The following PLA2G4E variants were observed in gnomAD, a reference collection of about 807,000 sequenced individuals.
The protein encoded by PLA2G4E is cytosolic phospholipase A2 epsilon.
A neutral mutation model predicts 109.1 loss-of-function variants in PLA2G4E; 84 were observed. That is an observed-to-expected ratio of 0.77 (90% CI 0.65 to 0.92). The LOEUF (loss-of-function observed/expected upper bound fraction) is 0.92, where lower values mean the gene tolerates loss of function less well. Among genes scored for constraint, PLA2G4E ranks in the 40% least tolerant of loss-of-function variants. PLA2G4E has a pLI of 0.00. For missense variants in PLA2G4E, 1,057 were observed against 1,076.6 expected (o/e 0.98, Z 0.25); for synonymous variants, 469 against 436.1 (o/e 1.08, Z -0.94).
chr15:42,005,480 T>C (rs2068465828), intron 4 of PLA2G4E, among the ~76,000 whole-genome samples: 1 of 152,172 alleles, frequency 6.6e-6, no homozygotes, highest in Non-Finnish European at 1.5e-5. Context: ...GGGGACCCAG[T>C]GCCTAGAACG....
intron 1 of PLA2G4E, among the ~76,000 whole-genome samples, chr15:42,022,218 G>A (rs1467325693): frequency 2.0e-5 from 3 of 152,186 alleles, no homozygotes; most frequent in Non-Finnish European, 2.9e-5. Flanking sequence ...AGGGATCCAA[G>A]TTTCCCTGTG....
chr15:42,037,599 G>T (rs980582740), intron 1 of PLA2G4E, among the ~76,000 whole-genome samples: 9 of 152,156 alleles, frequency 5.9e-5, no homozygotes, highest in African/African-American at 2.2e-4. Flanking sequence ...TCTAATGGCG[G>T]GTCTAAAAGA....
At chr15:42,003,048 T>C (rs997450112) in intron 5 of PLA2G4E, among the ~76,000 whole-genome samples, 1 of 152,210 alleles carries the variant, frequency 6.6e-6, no homozygotes, top group Non-Finnish European at 1.5e-5. Flanking sequence ...AGAGCAGACA[T>C]AAACAGTTTT....
Position 42,006,013 on chromosome 15 carries a change from C to T in PLA2G4E, c.502G>A (p.Val168Met), listed in dbSNP as rs372240036. ...ACCTGCGGGTTGAGTGGAAACTTCA[C>T]GTGGGTTTTCTTTCGGAAACAGAGC... Residue 168 changes from valine (V) to methionine (M), a missense_variant, in exon 4 of 20, where the codon GTG (valine) becomes ATG (methionine). Val to Met is a conservative substitution (Grantham distance 21). Coordinates refer to ENST00000399518, the Ensembl canonical transcript of PLA2G4E. 6.2e-6 allele frequency: 10 copies of T among 1,613,924 alleles called. 1 individual carries two copies. Among genetic ancestry groups the T allele is most frequent in the Middle Eastern group, 1.7e-4 (1 of 6,058 alleles).
chr15:42,039,769 C>T (rs1889281392), intron 1 of PLA2G4E, among the ~76,000 whole-genome samples: 1 of 151,914 alleles, frequency 6.6e-6, no homozygotes, highest in African/African-American at 2.4e-5. Flanking sequence ...ATGTAGAAAG[C>T]TATAAAACTC....
At chr15:42,036,972 G>C (rs1158452652) in intron 1 of PLA2G4E, among the ~76,000 whole-genome samples, 1 of 152,242 alleles carries the variant, frequency 6.6e-6, no homozygotes, top group African/African-American at 2.4e-5. Context: ...CCGAGTCCAG[G>C]TGCTGTTGCA....
intron 17 of PLA2G4E, chr15:41,986,887 G>T (rs1239966119): frequency 6.7e-6 from 3 of 450,442 alleles, no homozygotes; most frequent in Non-Finnish European, 1.2e-5. Flanking sequence ...TTCCCCATCT[G>T]TAACATGGGG....
At chr15:42,020,464 A>G (rs1307867604) in intron 1 of PLA2G4E, among the ~76,000 whole-genome samples, 2 of 152,298 alleles carry the variant, frequency 1.3e-5, no homozygotes, top group East Asian at 3.9e-4. Flanking sequence ...CTTGACTGTA[A>G]ACCCAGGTGG....
chr15:42,002,264 CAAAAA>C (rs71108143), intron 6 of PLA2G4E, among the ~76,000 whole-genome samples: 39 of 73,216 alleles, frequency 5.3e-4, no homozygotes, highest in African/African-American at 2.0e-3. Context: ...GACCTTGTCT[CAAAAA>C]AAAAAAAAAA....
chr15:42,042,523 G>A (rs1889333436), intron 1 of PLA2G4E, among the ~76,000 whole-genome samples: 1 of 152,064 alleles, frequency 6.6e-6, no homozygotes, highest in Non-Finnish European at 1.5e-5. Context: ...TTAGAGACAG[G>A]GAAAGAAAGC....
intron 2 of PLA2G4E, chr15:42,010,135 C>CT: frequency 2.1e-6 from 1 of 467,730 alleles, no homozygotes; most frequent in Non-Finnish European, 4.3e-6. Context: ...AACACTGGCC[C>CT]CCCCACCCCG....
Position 41,984,417 on chromosome 15 carries a change from G to C in PLA2G4E, c.2386+19C>G. 3 of 1,602,124 alleles carry C rather than the reference G, an allele frequency of 1.9e-6. No individual in the cohort carries two copies. In the African/African-American group the frequency reaches 4.0e-5, roughly 21 times the overall value. The stretch of plus-strand genomic sequence containing the variant: ...CCAAGGGCAGCAGGTGCTGGGAACT[G>C]AGCACAGAGGCAGCTCACCTGGTGC... On this transcript the variant is annotated intron_variant, in intron 19 of 19. Transcript: ENST00000399518.
At chr15:42,036,837 G>T (rs1889225778) in intron 1 of PLA2G4E, among the ~76,000 whole-genome samples, 1 of 152,182 alleles carries the variant, frequency 6.6e-6, no homozygotes, top group South Asian at 2.1e-4. Flanking sequence ...CTGGGCCTCT[G>T]TGTGCTCTTG....
rs200608765 is a variant in PLA2G4E at position 42,008,583 on chromosome 15, AC to A, written c.257-719del. Among the ~76,000 whole-genome samples the A allele has an allele frequency of 8.7e-3, 1,328 of 152,332 alleles. 18 individuals are homozygous for A. Among genetic ancestry groups the A allele is most frequent in the African/African-American group, 0.03 (1,254 of 41,568 alleles). The stretch of plus-strand genomic sequence containing the variant: ...TTGCTGGATATGCTCTGGAGAAGGG[AC>A]AGAGGCTTTGACCCCAACAAGCCCT... On this transcript the variant is annotated intron_variant, in intron 2 of 19. Coordinates refer to ENST00000399518, the Ensembl canonical transcript of PLA2G4E.
At chr15:42,016,653 TG>T (rs1015813265) in intron 1 of PLA2G4E, among the ~76,000 whole-genome samples, 1 of 152,214 alleles carries the variant, frequency 6.6e-6, no homozygotes, top group African/African-American at 2.4e-5. Context: ...GGCTTAATTC[TG>T]ATCAGCAACA....
chr15:41,985,352 G>A (rs1393680126), intron 18 of PLA2G4E, among the ~76,000 whole-genome samples: 1 of 152,046 alleles, frequency 6.6e-6, no homozygotes, highest in Non-Finnish European at 1.5e-5. Flanking sequence ...ACTTTCCAAA[G>A]TAAATTAAAA....
In PLA2G4E at chr15:42,020,684, C is replaced by T. The variant is rs568265374; in HGVS notation, c.184-6927G>A. Among the ~76,000 whole-genome samples, 113 of 152,294 alleles carry T rather than the reference C, an allele frequency of 7.4e-4. 1 individual carries two copies. The highest frequency in any genetic ancestry group is 2.6e-3 in the African/African-American group (108 of 41,568). On this transcript the variant is annotated intron_variant, in intron 1 of 19. Transcript: ENST00000399518. ...GATGGCCCCACGCCACTTCATGATG[C>T]CTTGAAAATCTTGAGGGTACTCTCA...
intron 1 of PLA2G4E, among the ~76,000 whole-genome samples, chr15:42,035,250 T>C (rs1215339452): frequency 6.6e-6 from 1 of 152,236 alleles, no homozygotes; most frequent in African/African-American, 2.4e-5. Flanking sequence ...CATTTGTCCT[T>C]GACTGGAAGT....
chr15:41,992,164 A>G (rs1415393160), intron 13 of PLA2G4E, among the ~76,000 whole-genome samples: 1 of 152,232 alleles, frequency 6.6e-6, no homozygotes, highest in African/African-American at 2.4e-5. Flanking sequence ...AGAGAGTGTT[A>G]TTGACTGAGG....
Sources: allele counts gnomAD v4.1 joint callset (sites outside exome capture counted in the v4.1 genomes callset), GRCh38; gene constraint gnomAD v4.1.1; transcripts MANE v1.5; gene names NCBI Gene and HGNC (gene_info 2026-07-23, HGNC 2026-07-21).